Variants in ALOX5 observed in about 807,000 individuals in gnomAD.
ALOX5 encodes the protein arachidonate 5-lipoxygenase.
In ALOX5, 64 loss-of-function variants were observed where a neutral mutation model predicts 87.9. That is an observed-to-expected ratio of 0.73 (90% confidence interval 0.60 to 0.90). ALOX5 has a LOEUF of 0.90. Ranked by LOEUF, ALOX5 falls within the 40% of genes least tolerant of loss-of-function variation. ALOX5 has a pLI of 0.00. For synonymous variants in ALOX5, 388 were observed against 355.1 expected (o/e 1.09, Z -1.04); for missense variants, 822 against 907.5 (o/e 0.91, Z 1.21).
chr10:45,391,928 G>A (rs1338147149), intron 2 of ALOX5, among the ~76,000 whole-genome samples: 92 of 135,248 alleles, frequency 6.8e-4, no homozygotes, highest in African/African-American at 2.3e-3. Flanking sequence ...CCCGGCAGCC[G>A]CCCCGTCTGG....
At chr10:45,385,733 A>G (rs1839984256) in intron 2 of ALOX5, among the ~76,000 whole-genome samples, 1 of 152,144 alleles carries the variant, frequency 6.6e-6, no homozygotes, top group African/African-American at 2.4e-5. Context: ...TGTGGCCTCA[A>G]GCCTCCCCTC....
intron 7 of ALOX5, among the ~76,000 whole-genome samples, chr10:45,432,268 G>A (rs1195957503): frequency 6.6e-6 from 1 of 151,726 alleles, no homozygotes; most frequent in Non-Finnish European, 1.5e-5. Context: ...GCTGAGGTGG[G>A]AGGATGGCTT....
At chr10:45,401,085 A>G (rs1020922191) in intron 3 of ALOX5, among the ~76,000 whole-genome samples, 2 of 152,204 alleles carry the variant, frequency 1.3e-5, no homozygotes, top group East Asian at 3.8e-4. Context: ...ATGAGTAAAC[A>G]GAGATATTCT....
chr10:45,445,891 AG>A lies in ALOX5; in HGVS notation c.*206del. On this transcript the variant is annotated 3_prime_UTR_variant, in exon 14 of 14. Transcript: ENST00000374391. ...CATAGGGACCCATTCTACACAGAGC[AG>A]GACTGCACAGCGTCCTGTCCACACC... 1 of 569,538 alleles carries A rather than the reference AG, an allele frequency of 1.8e-6. No homozygotes were observed. Among genetic ancestry groups the A allele is most frequent in the Admixed American group, 3.2e-5 (1 of 30,994 alleles). The allele number at this position is 569,538 out of a possible 1,614,324, so 35.3% of individuals were successfully genotyped here. A position where few individuals can be genotyped will look rare whatever the true frequency, so the allele number is the denominator to read the frequency against.
Position 45,444,162 on chromosome 10 carries a change from C to A in ALOX5, c.1721C>A (p.Ala574Asp). ...CCCAATGCGCCCCCAACCATGCGAG[C>A]CCCGCCACCGACTGCCAAGGGCGTG... ...WIPNAPPTMR[A>D]PPPTAKGVVT... is the part of the protein sequence containing the mutation. Residue 574 changes from alanine to aspartate, a missense_variant, in exon 13 of 14, where the codon GCC becomes GAC. Coordinates refer to ENST00000374391, the MANE Select transcript of ALOX5 (RefSeq NM_000698.5). The A allele has an allele frequency of 6.4e-7, 1 of 1,555,666 alleles. No individual in the cohort carries two copies. Among genetic ancestry groups the A allele is most frequent in the South Asian group, 1.2e-5 (1 of 84,358 alleles).
intron 2 of ALOX5, among the ~76,000 whole-genome samples, chr10:45,394,793 A>C (rs1343663400): frequency 1.3e-5 from 2 of 152,256 alleles, no homozygotes; most frequent in Non-Finnish European, 2.9e-5. Flanking sequence ...AAAGTGGGCG[A>C]AGGATATGAA....
chr10:45,409,749 G>A (rs1231706324), intron 3 of ALOX5, among the ~76,000 whole-genome samples: 2 of 152,310 alleles, frequency 1.3e-5, no homozygotes, highest in African/African-American at 2.4e-5. Context: ...GTTAATGTCT[G>A]TGGCCATGCA....
intron 4 of ALOX5, 29 bp from the exon 5 acceptor site, chr10:45,424,012 C>T (rs774904363): frequency 1.7e-5 from 26 of 1,569,892 alleles, no homozygotes; most frequent in South Asian, 8.9e-5. Context: ...GGCTAGTGTG[C>T]GCAAGGTGAC....
intron 9 of ALOX5, 59 bp downstream of exon 9, chr10:45,441,489 C>G (rs548303671): frequency 1.3e-6 from 2 of 1,528,444 alleles, no homozygotes; most frequent in Admixed American, 3.4e-5. Flanking sequence ...CGCCTTCACT[C>G]CCTATCTGAG....
intron 8 of ALOX5, 117 bp downstream of exon 8, chr10:45,440,750 C>A: frequency 8.8e-7 from 1 of 1,136,058 alleles, no homozygotes; most frequent in Non-Finnish European, 1.2e-6. Context: ...GAAAGGGAGC[C>A]CTGGAGAGAT....
intron 2 of ALOX5, among the ~76,000 whole-genome samples, chr10:45,392,736 A>G (rs1385685117): frequency 6.6e-6 from 1 of 152,118 alleles, no homozygotes; most frequent in East Asian, 1.9e-4. Flanking sequence ...GAAGAGAAGA[A>G]TCAATTAGAC....
intron 7 of ALOX5, among the ~76,000 whole-genome samples, chr10:45,435,126 C>CAAG (rs960328061): frequency 2.0e-5 from 3 of 152,112 alleles, no homozygotes; most frequent in African/African-American, 7.2e-5. Flanking sequence ...CTCAGTGGTA[C>CAAG]AAGAGCTCAA....
intron 3 of ALOX5, among the ~76,000 whole-genome samples, chr10:45,405,738 C>T (rs1840860057): frequency 8.2e-6 from 1 of 121,588 alleles, no homozygotes; most frequent in Admixed American, 8.9e-5. Context: ...CATTCATCTA[C>T]CTTTTTTTTT....
At chr10:45,394,246 C>G in intron 2 of ALOX5, among the ~76,000 whole-genome samples, 1 of 152,146 alleles carries the variant, frequency 6.6e-6, no homozygotes, top group Non-Finnish European at 1.5e-5. Flanking sequence ...GGTACTGGTA[C>G]CAAAACAGAG....
chr10:45,381,754 C>G (rs372706780), intron 1 of ALOX5, among the ~76,000 whole-genome samples: 7 of 152,376 alleles, frequency 4.6e-5, no homozygotes, highest in African/African-American at 1.7e-4. Context: ...TCACTGGATT[C>G]TCTCTCCTCA....
intron 2 of ALOX5, among the ~76,000 whole-genome samples, chr10:45,383,614 G>T (rs71494776): frequency 6.6e-6 from 1 of 152,116 alleles, no homozygotes; most frequent in Admixed American, 6.5e-5. Flanking sequence ...AGTTTGGTGG[G>T]GTAGGTAGGA....
At chr10:45,443,659 C>A (rs925949815) in intron 11 of ALOX5, 69 bp from the exon 12 acceptor site, 75 of 1,589,922 alleles carry the variant, frequency 4.7e-5, no homozygotes, top group Non-Finnish European at 6.1e-5. Flanking sequence ...GGAATCCGGG[C>A]ACGGGGTGGG....
At chr10:45,435,522 G>A (rs184654150) in intron 7 of ALOX5, among the ~76,000 whole-genome samples, 3 of 152,136 alleles carry the variant, frequency 2.0e-5, no homozygotes, top group African/African-American at 7.2e-5. Context: ...TGCAGTATTC[G>A]ATTTTCTGTT....
At chr10:45,415,480 A>T (rs1222357748) in intron 4 of ALOX5, among the ~76,000 whole-genome samples, 1 of 152,198 alleles carries the variant, frequency 6.6e-6, no homozygotes, top group Non-Finnish European at 1.5e-5. Flanking sequence ...GATATACCTA[A>T]TTAGGAGTTA....
Sources: allele counts gnomAD v4.1 joint callset (sites outside exome capture counted in the v4.1 genomes callset), GRCh38; gene constraint gnomAD v4.1.1; transcripts MANE v1.5; gene names NCBI Gene and HGNC (gene_info 2026-07-23, HGNC 2026-07-21).